Variants in CCNH observed in about 807,000 individuals in gnomAD.
The protein encoded by CCNH is cyclin-H.
A neutral mutation model predicts 41.9 loss-of-function variants in CCNH; 31 were observed. That is an observed-to-expected ratio of 0.74 (90% CI 0.56 to 1.00). The LOEUF (loss-of-function observed/expected upper bound fraction) is 1.00. CCNH is among the 50% of genes least tolerant of loss of function. The pLI is 0.00. For synonymous variants in CCNH, 138 were observed against 136.1 expected, an observed-to-expected ratio of 1.01 and a Z score of -0.10; for missense variants, 362 against 388.4, an observed-to-expected ratio of 0.93 and a Z score of 0.57.
intron 7 of CCNH, among the ~76,000 whole-genome samples, chr5:87,397,456 G>A (rs1763059365): frequency 1.3e-5 from 2 of 152,058 alleles, no homozygotes; most frequent in South Asian, 2.1e-4. Context: ...CACTGTGCCC[G>A]GCCCTAGAAA....
intron 3 of CCNH, chr5:87,409,000 C>A (rs113749839): frequency 5.7e-5 from 12 of 211,872 alleles, no homozygotes; most frequent in Non-Finnish European, 1.0e-4. Context: ...ACTGGAAGAA[C>A]AAAGGTGTCT....
downstream of CCNH, chr5:87,374,147 A>AT (rs377722838): frequency 9.3e-3 from 8,935 of 963,588 alleles, 1 homozygote; most frequent in East Asian, 0.03. Context: ...ATATATATAT[A>AT]TTTTTTTTTT....
chr5:87,386,990 A>AT, downstream of CCNH: 1 of 1,241,120 alleles, frequency 8.1e-7, no homozygotes, highest in African/African-American at 1.5e-5. Context: ...CTTTAGAAAG[A>AT]TTTTCTATCC....
At chr5:87,359,977 T>C (rs1759949816) in intron 9 of CCNH, among the ~76,000 whole-genome samples, 1 of 152,204 alleles carries the variant, frequency 6.6e-6, no homozygotes, top group Non-Finnish European at 1.5e-5. Context: ...TGATTCCAGA[T>C]TTGAAATCAG....
intron 9 of CCNH, chr5:87,362,513 G>A (rs761122627): frequency 1.3e-6 from 2 of 1,556,846 alleles, no homozygotes; most frequent in Admixed American, 3.4e-5. Context: ...TTTCCATCAA[G>A]AATGTATGAA....
At chr5:87,360,502 G>C (rs1760006731) in intron 9 of CCNH, among the ~76,000 whole-genome samples, 1 of 152,110 alleles carries the variant, frequency 6.6e-6, no homozygotes, top group Non-Finnish European at 1.5e-5. Context: ...TTTTTGTTTA[G>C]ATTTTAAAAC....
intron 9 of CCNH, among the ~76,000 whole-genome samples, chr5:87,336,857 T>TCTA: frequency 6.6e-6 from 1 of 152,046 alleles, no homozygotes; most frequent in Admixed American, 6.6e-5. Flanking sequence ...TAAGAAGGAT[T>TCTA]GTAGAATCAA....
chr5:87,347,459 A>T (rs1758944883), intron 9 of CCNH, among the ~76,000 whole-genome samples: 1 of 152,044 alleles, frequency 6.6e-6, no homozygotes, highest in African/African-American at 2.4e-5. Flanking sequence ...ACATCTTATA[A>T]AGATTTCAGA....
chr5:87,347,792 G>A (rs1200700915), intron 9 of CCNH, among the ~76,000 whole-genome samples: 1 of 151,978 alleles, frequency 6.6e-6, no homozygotes. Context: ...CATTCTGTCA[G>A]CTATTTCAGT....
At chr5:87,360,004 T>C (rs1759952251) in intron 9 of CCNH, among the ~76,000 whole-genome samples, 1 of 152,180 alleles carries the variant, frequency 6.6e-6, no homozygotes, top group African/African-American at 2.4e-5. Context: ...GTCTAATAAG[T>C]TCTATTTGTA....
In CCNH at chr5:87,376,499, G is replaced by A. The variant is rs1761337058; in HGVS notation, n.682C>T. On this transcript the variant is annotated non_coding_transcript_exon_variant, in exon 1 of 1. Coordinates refer to the CCNH transcript ENST00000607486. Reference sequence around the variant, plus strand: ...TAAAAGGTATTGAACCAGGGTCCCTGCGTGTTCGAGCACGATACTCTATGG... The same window carrying A: ...TAAAAGGTATTGAACCAGGGTCCCTACGTGTTCGAGCACGATACTCTATGG... 5 of 1,614,036 alleles carry A rather than the reference G, an allele frequency of 3.1e-6. No individual in the cohort carries two copies. Among genetic ancestry groups the A allele is most frequent in the Non-Finnish European group, 4.2e-6 (5 of 1,179,970 alleles).
upstream of CCNH, chr5:87,380,735 G>C: frequency 1.2e-6 from 1 of 810,304 alleles, no homozygotes; most frequent in Non-Finnish European, 2.1e-6. Flanking sequence ...TCTAAGTCCA[G>C]ATGGCTCCTA....
At chr5:87,373,403 A>G (rs949292077), downstream of CCNH, among the ~76,000 whole-genome samples, 1 of 152,214 alleles carries the variant, frequency 6.6e-6, no homozygotes, top group East Asian at 1.9e-4. Context: ...ACGGGACTTG[A>G]GCATCTTGGG....
Position 87,412,907 on chromosome 5 carries a change from C to T in CCNH, c.-113G>A. Reference sequence around the variant, plus strand: ...AAGATCTCGCGGAAGCCTAGGGCGTCCGGCTAGCCGGCGCTGGCGCGCTGT... The same window carrying T: ...AAGATCTCGCGGAAGCCTAGGGCGTTCGGCTAGCCGGCGCTGGCGCGCTGT... On this transcript the variant is annotated 5_prime_UTR_variant, in exon 1 of 9. Coordinates refer to ENST00000256897, the MANE Select transcript of CCNH (RefSeq NM_001239.4). 1 of 1,481,882 alleles carries T rather than the reference C, an allele frequency of 6.7e-7. No homozygotes were observed. Among genetic ancestry groups the T allele is most frequent in the Non-Finnish European group, 9.0e-7 (1 of 1,116,352 alleles). 91.8% of individuals were successfully genotyped at this position (1,481,882 alleles called of 1,614,324 possible).
At chr5:87,388,217 C>T (rs1324090995), downstream of CCNH, among the ~76,000 whole-genome samples, 1 of 152,164 alleles carries the variant, frequency 6.6e-6, no homozygotes, top group Non-Finnish European at 1.5e-5. Context: ...CGCTATAAAC[C>T]TTTAATCACT....
At chr5:87,394,751 G>A (rs1762786367) in intron 8 of CCNH, 3 of 1,330,820 alleles carry the variant, frequency 2.3e-6, no homozygotes, top group South Asian at 2.3e-5. Context: ...TTTTTTAAAA[G>A]GGGGTAAGGG....
intron 3 of CCNH, 121 bp downstream of exon 3, chr5:87,409,169 C>A: frequency 2.1e-6 from 1 of 471,928 alleles, no homozygotes; most frequent in South Asian, 4.9e-5. Flanking sequence ...GTCTAAATTA[C>A]CCTGTATTAG....
upstream of CCNH, chr5:87,380,604 C>T: frequency 6.3e-7 from 1 of 1,599,422 alleles, no homozygotes; most frequent in Non-Finnish European, 8.6e-7. Context: ...AGGTAAGGCT[C>T]ATCAATTGAT....
chr5:87,356,807 T>C (rs10045850), intron 9 of CCNH, among the ~76,000 whole-genome samples: 57,773 of 152,044 alleles, frequency 0.38, 11,317 homozygotes, highest in East Asian at 0.5. Flanking sequence ...AAAAAATTCA[T>C]ATGGCTGGCT....
Sources: gnomAD v4.1 joint callset for allele counts (sites outside exome capture counted in the v4.1 genomes callset) on GRCh38, gnomAD v4.1.1 for gene constraint, MANE v1.5 for transcripts, NCBI Gene and HGNC (gene_info 2026-07-23, HGNC 2026-07-21) for gene names.